Variants in PRKN observed in about 807,000 individuals in gnomAD.
The protein encoded by PRKN is E3 ubiquitin-protein ligase parkin.
A neutral mutation model predicts 59.5 loss-of-function variants in PRKN; 56 were observed. The ratio of observed to expected loss-of-function variants is 0.94; its 90% CI spans 0.76 to 1.18. PRKN has a LOEUF of 1.18. Among genes scored for constraint, PRKN ranks in the 50% most tolerant of loss-of-function variants. PRKN has a pLI of 0.00. For synonymous variants in PRKN, 250 were observed against 222.1 expected (o/e 1.13, Z -1.12); for missense variants, 657 against 596.4 (o/e 1.10, Z -1.06).
intron 7 of PRKN, among the ~76,000 whole-genome samples, chr6:161,673,113 C>T (rs1188487784): frequency 2.6e-5 from 4 of 152,160 alleles, no homozygotes; most frequent in Non-Finnish European, 2.9e-5. Context: ...GCTGTCCACT[C>T]GGCCCGGCAC....
rs1780659491 is a variant in PRKN, at chr6:161,566,816, A to C, written c.933+2539T>G. Among the ~76,000 whole-genome samples, 1 of 152,044 alleles carries C rather than the reference A, an allele frequency of 6.6e-6. No homozygotes were observed. The highest frequency in any genetic ancestry group is 6.5e-5 in the Admixed American group (1 of 15,276). On this transcript the variant is annotated intron_variant, in intron 8 of 11. Coordinates refer to ENST00000366898, the MANE Select transcript of PRKN (RefSeq NM_004562.3). This position sits in a 1 kb window ranked among gnomAD's most constrained non-coding sequence, Gnocchi z 4.1. ...CACCAGTCACACTTGTTTCTGGACT[A>C]TTATGAATGTTAAAGCCAGGCACAT... is the stretch of plus-strand genomic sequence containing the variant.
At chr6:161,862,908 T>C (rs9347550) in intron 6 of PRKN, among the ~76,000 whole-genome samples, 43,520 of 152,118 alleles carry the variant, frequency 0.29, 7,437 homozygotes, top group Non-Finnish European at 0.38. Flanking sequence ...CAAGACACCA[T>C]GATCATATTG....
chr6:161,708,386 T>C (rs1178264659), intron 7 of PRKN, among the ~76,000 whole-genome samples: 3 of 151,962 alleles, frequency 2.0e-5, no homozygotes, highest in African/African-American at 7.2e-5. Flanking sequence ...ATTACTACTC[T>C]TTCTCTTTGC....
chr6:162,235,959 A>AAAGAAAGAAAG (rs1318934916), intron 3 of PRKN, among the ~76,000 whole-genome samples: 1 of 32,546 alleles, frequency 3.1e-5, no homozygotes, highest in African/African-American at 1.2e-4. Context: ...GGAAGAAAGG[A>AAAGAAAGAAAG]AGAAAGAAAG....
At chr6:162,024,268 G>A (rs1041080402) in intron 5 of PRKN, among the ~76,000 whole-genome samples, 6 of 132,516 alleles carry the variant, frequency 4.5e-5, no homozygotes, top group South Asian at 2.4e-4. Context: ...CACAATCTTG[G>A]TTCACTGCAA....
intron 4 of PRKN, among the ~76,000 whole-genome samples, chr6:162,163,896 C>G (rs1002835453): frequency 1.3e-5 from 2 of 149,210 alleles, no homozygotes; most frequent in Non-Finnish European, 3.0e-5. Flanking sequence ...CAGGCCTTAT[C>G]CTCTAATTAA....
chr6:162,396,921 G>T (rs1787506135), intron 2 of PRKN, among the ~76,000 whole-genome samples: 1 of 152,020 alleles, frequency 6.6e-6, no homozygotes, highest in Non-Finnish European at 1.5e-5. Context: ...AAACACACAG[G>T]CATGAACACA....
At chr6:161,641,142 C>T (rs570814416) in intron 7 of PRKN, among the ~76,000 whole-genome samples, 10 of 152,284 alleles carry the variant, frequency 6.6e-5, no homozygotes, top group East Asian at 1.9e-4. Flanking sequence ...GAAACAAAGA[C>T]GGTAACAGCC....
intron 2 of PRKN, among the ~76,000 whole-genome samples, chr6:162,337,423 G>A (rs1289565969): frequency 6.6e-6 from 1 of 152,138 alleles, no homozygotes; most frequent in African/African-American, 2.4e-5. Context: ...CAACACATTT[G>A]GACCCATTCT....
intron 2 of PRKN, among the ~76,000 whole-genome samples, chr6:162,362,900 G>A (rs759602801): frequency 7.3e-5 from 11 of 151,684 alleles, no homozygotes; most frequent in African/African-American, 2.4e-4. Flanking sequence ...AGGCTGAGGC[G>A]GGTGGATCAC....
At chr6:162,076,117 T>C (rs1186052883) in intron 4 of PRKN, among the ~76,000 whole-genome samples, 4 of 151,938 alleles carry the variant, frequency 2.6e-5, no homozygotes, top group South Asian at 4.1e-4. Context: ...TATAGGCATG[T>C]GCCCCCACAC....
rs1205043476 is a variant in PRKN, at chr6:161,377,631, G to A, written c.1167+9163C>T. 2.0e-5 allele frequency among the ~76,000 whole-genome samples: 3 copies of A among 152,258 alleles called. No individual in the cohort carries two copies. The highest frequency in any genetic ancestry group is 4.8e-5 in the African/African-American group (2 of 41,550). ...TTGTGTCTCCCCAGATTCCTATGTC[G>A]AAACCTAATCACCAAGGCGGTGGGA... is the stretch of plus-strand genomic sequence containing the variant. On this transcript the variant is annotated intron_variant, in intron 10 of 11. Coordinates refer to ENST00000366898, the MANE Select transcript of PRKN (RefSeq NM_004562.3). The surrounding 1 kb of genome is among the most constrained non-coding windows in gnomAD (Gnocchi z 4.2).
chr6:162,721,020 TAAG>T (rs1292349498), intron 1 of PRKN, among the ~76,000 whole-genome samples: 1 of 152,114 alleles, frequency 6.6e-6, no homozygotes, highest in Non-Finnish European at 1.5e-5. Context: ...TCTACAAAAA[TAAG>T]AACTTTTTAA....
intron 9 of PRKN, among the ~76,000 whole-genome samples, chr6:161,508,778 A>G (rs1298086259): frequency 6.6e-6 from 1 of 151,572 alleles, no homozygotes; most frequent in Non-Finnish European, 1.5e-5. Context: ...TCAATTAAAC[A>G]CCATGGTAAT....
Position 161,502,603 on chromosome 6 carries a change from A to T in PRKN, c.1083+46251T>A, listed in dbSNP as rs1778002566. Among the ~76,000 whole-genome samples, 1 of 152,144 alleles carries T rather than the reference A, an allele frequency of 6.6e-6. No individual in the cohort carries two copies. ...GGATGAGGATAGTAAGAGTATCCTG[A>T]AGGAGGGGACCAGTAACAAGCAGGG... is the stretch of plus-strand genomic sequence containing the variant. On this transcript the variant is annotated intron_variant, in intron 9 of 11. Coordinates refer to ENST00000366898, the MANE Select transcript of PRKN (RefSeq NM_004562.3). This position sits in a 1 kb window ranked among gnomAD's most constrained non-coding sequence, Gnocchi z 4.0.
Position 162,171,225 on chromosome 6 carries a change from C to T in PRKN, c.534+29906G>A, listed in dbSNP as rs1783257612. Among the ~76,000 whole-genome samples, 6 of 151,982 alleles carry T rather than the reference C, an allele frequency of 3.9e-5. No individual in the cohort carries two copies. In the South Asian group the frequency reaches 1.3e-3, roughly 32 times the overall value. ...GTGCACACAGAAAAAAACGTAGGGTCATGGAGAAACTGGAAGGAGGAGGAT... is the reference window on the plus strand; with the variant it reads ...GTGCACACAGAAAAAAACGTAGGGTTATGGAGAAACTGGAAGGAGGAGGAT... On this transcript the variant is annotated intron_variant, in intron 4 of 11. Coordinates refer to ENST00000366898, the MANE Select transcript of PRKN (RefSeq NM_004562.3).
chr6:162,503,166 C>CGG, intron 1 of PRKN, among the ~76,000 whole-genome samples: 1 of 72,360 alleles, frequency 1.4e-5, no homozygotes, highest in East Asian at 2.3e-4. Flanking sequence ...TTTTGTTGGC[C>CGG]GGGGGGTGTT....
intron 1 of PRKN, among the ~76,000 whole-genome samples, chr6:162,547,963 G>A (rs919067737): frequency 2.6e-5 from 4 of 152,052 alleles, no homozygotes; most frequent in Non-Finnish European, 4.4e-5. Context: ...TCCTCATTAG[G>A]CTGTGCCAAG....
chr6:162,484,955 T>C (rs536234143), intron 1 of PRKN, among the ~76,000 whole-genome samples: 5 of 152,380 alleles, frequency 3.3e-5, no homozygotes, highest in African/African-American at 9.6e-5. Flanking sequence ...TGGTCATATT[T>C]ACTAGTTTTT....
Sources: gnomAD v4.1 joint callset for allele counts (sites outside exome capture counted in the v4.1 genomes callset) on GRCh38, gnomAD v4.1.1 for gene constraint, Gnocchi (gnomAD v3.1) non-coding constraint, MANE v1.5 for transcripts, NCBI Gene and HGNC (gene_info 2026-07-23, HGNC 2026-07-21) for gene names.